The following NEIL1 variants were observed in gnomAD, a reference collection of about 807,000 sequenced individuals.
NEIL1 encodes the protein endonuclease 8-like 1.
Under a neutral mutation model 44.2 loss-of-function variants are expected in NEIL1, and 31 were observed. That is an observed-to-expected ratio of 0.70 (90% CI 0.53 to 0.95). The LOEUF (loss-of-function observed/expected upper bound fraction) is 0.95, where lower values mean the gene tolerates loss of function less well. Ranked by LOEUF, NEIL1 falls within the 40% of genes least tolerant of loss-of-function variation. The probability of loss-of-function intolerance (pLI) is 0.00; values close to 1 mark genes in which losing one functional copy is unlikely to be tolerated. For missense variants in NEIL1, 549 were observed against 515.5 expected, an observed-to-expected ratio of 1.07 and a Z score of -0.63; for synonymous variants, 254 against 209.7, an observed-to-expected ratio of 1.21 and a Z score of -1.83.
chr15:75,352,337 C>G lies in NEIL1; in HGVS notation c.568C>G (p.Pro190Ala). The change falls in exon 4 of 10, where the codon CCC becomes GCC. Residue 190 changes from proline (P) to alanine (A), a missense_variant. Pro to Ala is a conservative substitution (Grantham distance 27). Coordinates refer to ENST00000355059, the MANE Select transcript of NEIL1 (RefSeq NM_024608.4). ...CCCCCACTACAGGCTGAAGATCCCC[C>G]CCTTTGAGAAGGCCCGCTCGGTCCT... is the stretch of plus-strand genomic sequence containing the variant. ...AEILYRLKIP[P>A]FEKARSVLEA... The G allele has an allele frequency of 6.2e-7, 1 of 1,614,186 alleles. No homozygotes were observed. The highest frequency in any genetic ancestry group is 8.5e-7 in the Non-Finnish European group (1 of 1,180,032).
chr15:75,347,685 T>G, intron 1 of NEIL1: 6 of 425,402 alleles, frequency 1.4e-5, no homozygotes, highest in Non-Finnish European at 1.9e-5. Flanking sequence ...GCGTGCAGGA[T>G]CGGGTTGTGG....
intron 2 of NEIL1, chr15:75,349,588 G>A: frequency 1.9e-6 from 1 of 517,952 alleles, no homozygotes; most frequent in East Asian, 3.2e-5. Context: ...AGCCGAGGCG[G>A]GCAGATCACG....
Position 75,352,151 on chromosome 15 carries a change from C to A in NEIL1, c.475C>A (p.Arg159=). The A allele has an allele frequency of 6.2e-7, 1 of 1,614,098 alleles. No individual in the cohort carries two copies. The highest frequency in any genetic ancestry group is 1.1e-5 in the South Asian group (1 of 91,072). Residue 159 remains arginine, a synonymous_variant, in exon 3 of 10, where the codon CGG becomes AGG. Coordinates refer to ENST00000355059, the MANE Select transcript of NEIL1 (RefSeq NM_024608.4). The stretch of plus-strand genomic sequence containing the variant: ...AAACCTAGCGGATAAGGCCTTTGAC[C>A]GGCCCATCTGCGAGGCCCTCCTGGA... The part of the protein sequence containing the change: ...LRNLADKAFD[R]PICEALLDQR...
In NEIL1 at chr15:75,352,371, TG is replaced by T; in HGVS notation, c.603del (p.Gln202SerfsTer9). ...AAGGCCCGCTCGGTCCTGGAGGCCC[TG>T]CAGCAGCACAGGCCGGTAAGCCCAG... ...FEKARSVLEA[L>X]QQHRPSPELT... On this transcript the variant is annotated frameshift_variant, in exon 4 of 10. Transcript: ENST00000355059. LOFTEE classifies it high-confidence loss of function. The T allele has an allele frequency of 6.2e-7, 1 of 1,613,888 alleles. No individual in the cohort carries two copies. Among genetic ancestry groups the T allele is most frequent in the Non-Finnish European group, 8.5e-7 (1 of 1,180,022 alleles).
At position 75,348,925 on chromosome 15, in the gene NEIL1, T is replaced by C. The variant is rs779617862; in HGVS notation, c.20T>C (p.Leu7Pro). 1.9e-6 allele frequency: 3 copies of C among 1,612,252 alleles called. No homozygotes were observed. The Admixed American group carries it at 5.0e-5, about 27-fold the overall frequency. The change falls in exon 2 of 10, where the codon CTG becomes CCG. Residue 7 changes from leucine (L) to proline (P), a missense_variant. By Grantham distance (98) the Leu-to-Pro change is moderately conservative. Transcript: ENST00000355059. MPEGPE[L>P]HLASQFVNEA... ...CTCAGGATGCCTGAGGGCCCCGAGCTGCACCTGGCCAGCCAGTTTGTGAAT... is the reference window on the plus strand; with the variant it reads ...CTCAGGATGCCTGAGGGCCCCGAGCCGCACCTGGCCAGCCAGTTTGTGAAT...
At chr15:75,349,597 C>T (rs1423411611) in intron 2 of NEIL1, 11 of 499,272 alleles carry the variant, frequency 2.2e-5, no homozygotes, top group Admixed American at 3.4e-5. Context: ...GGGCAGATCA[C>T]GAGGTCAGGA....
In NEIL1 at chr15:75,356,320, A is replaced by G. The variant is rs1567268558; in HGVS notation, c.*1286A>G. The G allele has an allele frequency of 2.5e-6, 4 of 1,611,250 alleles. No individual in the cohort carries two copies. The highest frequency in any genetic ancestry group is 1.3e-5 in the African/African-American group (1 of 74,376). ...CCTTGCCTGCTTGACGGTCTCCAAT[A>G]CGACCGCGGGTGAAGACACGGAAAA... On this transcript the variant is annotated 3_prime_UTR_variant, in exon 10 of 10. Transcript: ENST00000355059. The surrounding 1 kb of genome is among the most constrained non-coding windows in gnomAD (Gnocchi z 5.8).
rs975746752 is a variant in NEIL1 at position 75,355,357 on chromosome 15, C to T, written c.*323C>T. On this transcript the variant is annotated 3_prime_UTR_variant, in exon 10 of 10. Transcript: ENST00000355059. Reference sequence around the variant, plus strand: ...AGGCAAACTGAGCCCCCATCCCAGTCCTCAAGGCTCTGACTCTATCAGAGG... The same window carrying T: ...AGGCAAACTGAGCCCCCATCCCAGTTCTCAAGGCTCTGACTCTATCAGAGG... The T allele has an allele frequency of 1.5e-5, 5 of 336,082 alleles. No homozygotes were observed. The highest frequency in any genetic ancestry group is 1.5e-4 in the East Asian group (2 of 13,568). The allele number at this position is 336,082 out of a possible 1,614,324, so 20.8% of individuals were successfully genotyped here.
chr15:75,347,841 G>A, intron 1 of NEIL1: 2 of 1,175,576 alleles, frequency 1.7e-6, no homozygotes, highest in African/African-American at 1.6e-5. Context: ...CTAGGATTTG[G>A]AGCCTCACGT....
At chr15:75,354,330 G>C in intron 7 of NEIL1, 53 bp downstream of exon 7, 1 of 1,611,950 alleles carries the variant, frequency 6.2e-7, no homozygotes, top group Non-Finnish European at 8.5e-7. Context: ...CTTCACGCCT[G>C]CAAGGGCTAC....
rs1232288520 is a variant in NEIL1, at chr15:75,352,937, C to T, written c.718+236C>T. 39 of 452,198 alleles carry T rather than the reference C, an allele frequency of 8.6e-5. 1 individual carries two copies. In the East Asian group the frequency reaches 8.9e-4, roughly 10 times the overall value. The allele number at this position is 452,198 out of a possible 1,614,324, so 28.0% of individuals were successfully genotyped here. A position where few individuals can be genotyped will look rare whatever the true frequency, so the allele number is the denominator to read the frequency against. On this transcript the variant is annotated intron_variant, in intron 5 of 9. Coordinates refer to ENST00000355059, the MANE Select transcript of NEIL1 (RefSeq NM_024608.4). ...GGTGGCTCACCTGAGGTCAGGAGTT[C>T]GAGACCATCCTGGCCAACATGGTGA...
Position 75,356,286 on chromosome 15 carries a change from C to A in NEIL1, c.*1252C>A. On this transcript the variant is annotated 3_prime_UTR_variant, in exon 10 of 10. Transcript: ENST00000355059. This position sits in a 1 kb window ranked among gnomAD's most constrained non-coding sequence, Gnocchi z 5.8. Reference sequence around the variant, plus strand: ...CCAGTTCGGAACCCCGTCCCCAGCACGTCCCACCCCTTGCCTGCTTGACGG... The same window carrying A: ...CCAGTTCGGAACCCCGTCCCCAGCAAGTCCCACCCCTTGCCTGCTTGACGG... 2 of 1,611,880 alleles carry A rather than the reference C, an allele frequency of 1.2e-6. No homozygotes were observed. Among genetic ancestry groups the A allele is most frequent in the Non-Finnish European group, 1.7e-6 (2 of 1,179,194 alleles).
At chr15:75,348,139 T>C in intron 1 of NEIL1, 1 of 731,580 alleles carries the variant, frequency 1.4e-6, no homozygotes, top group Non-Finnish European at 1.8e-6. Flanking sequence ...GCCGTCCTCC[T>C]GCGGAGCCAT....
intron 1 of NEIL1, 173 bp downstream of exon 1, chr15:75,347,646 G>C: frequency 2.1e-5 from 5 of 241,812 alleles, no homozygotes; most frequent in Non-Finnish European, 3.4e-5. Flanking sequence ...GGCGACGAGC[G>C]GAACGGAGTG....
At chr15:75,351,904 G>T in intron 2 of NEIL1, 1 of 527,336 alleles carries the variant, frequency 1.9e-6, no homozygotes, top group South Asian at 2.0e-5. Flanking sequence ...TTACAGGCAT[G>T]AGCCACTGCA....
chr15:75,355,497 C>G lies in NEIL1; in HGVS notation c.*463C>G, dbSNP rs1054605821. The G allele has an allele frequency of 4.1e-6, 1 of 242,268 alleles. No homozygotes were observed. Among genetic ancestry groups the G allele is most frequent in the African/African-American group, 2.4e-5 (1 of 41,552 alleles). 15.0% of individuals were successfully genotyped at this position (242,268 alleles called of 1,614,324 possible). On this transcript the variant is annotated 3_prime_UTR_variant, in exon 10 of 10. Coordinates refer to ENST00000355059, the MANE Select transcript of NEIL1 (RefSeq NM_024608.4). The stretch of plus-strand genomic sequence containing the variant: ...ATTCTCCAGGGTCCAGGGCTGCCCC[C>G]TCATCCTGGCAGGAGCCAGGCAAAA...
At chr15:75,348,730 G>A (rs1202323289) in intron 1 of NEIL1, 154 bp from the exon 2 acceptor site, 1 of 1,439,264 alleles carries the variant, frequency 6.9e-7, no homozygotes, top group Admixed American at 2.8e-5. Context: ...CCGGGTAGGG[G>A]ATTGAGGGCC....
rs1022864259 is a variant in NEIL1 at position 75,352,520 on chromosome 15, G to A, written c.619-82G>A. The A allele has an allele frequency of 2.3e-5, 35 of 1,546,440 alleles. 1 individual carries two copies. The Admixed American group carries it at 6.1e-4, about 27-fold the overall frequency. The stretch of plus-strand genomic sequence containing the variant: ...GTGGGGAGGGGATGAACTGCCCAAA[G>A]TCTGACCAAGCTCAGAGAGAAGGTC... On this transcript the variant is annotated intron_variant, in intron 4 of 9. Coordinates refer to ENST00000355059, the MANE Select transcript of NEIL1 (RefSeq NM_024608.4).
rs5745910 is a variant in NEIL1, at chr15:75,349,802, C to T, written c.434+463C>T. 844 of 166,880 alleles carry T rather than the reference C, an allele frequency of 5.1e-3. 48 individuals are homozygous for T. The East Asian group carries it at 0.12, about 25-fold the overall frequency. The allele number at this position is 166,880 out of a possible 1,614,324, so 10.3% of individuals were successfully genotyped here. Reference sequence around the variant, plus strand: ...CCACTCCAGTCTGGGCAACAGAGCACGACTCTGTCTCAAAAAATAATGATA... The same window carrying T: ...CCACTCCAGTCTGGGCAACAGAGCATGACTCTGTCTCAAAAAATAATGATA... On this transcript the variant is annotated intron_variant, in intron 2 of 9. Coordinates refer to ENST00000355059, the MANE Select transcript of NEIL1 (RefSeq NM_024608.4).
Sources: gnomAD v4.1 joint callset for allele counts on GRCh38, gnomAD v4.1.1 for gene constraint, Gnocchi (gnomAD v3.1) non-coding constraint, MANE v1.5 for transcripts, NCBI Gene and HGNC (gene_info 2026-07-23, HGNC 2026-07-21) for gene names.